The following POLR3B variants were observed in gnomAD, a reference collection of about 807,000 sequenced individuals.
POLR3B encodes the protein RNA polymerase III subunit B.
In POLR3B, 96 loss-of-function variants were observed where a neutral mutation model predicts 147.4. That is an observed-to-expected ratio of 0.65 (90% CI 0.55 to 0.77). The LOEUF (loss-of-function observed/expected upper bound fraction) is 0.77. POLR3B is among the 30% of genes least tolerant of loss of function. The pLI is 0.00. For synonymous variants in POLR3B, 461 were observed against 485.9 expected, an observed-to-expected ratio of 0.95 and a Z score of 0.67; for missense variants, 1,036 against 1,413.5, an observed-to-expected ratio of 0.73 and a Z score of 4.28.
chr12:106,430,701 A>G (rs2037498917), intron 14 of POLR3B, among the ~76,000 whole-genome samples: 1 of 152,242 alleles, frequency 6.6e-6, no homozygotes, highest in Non-Finnish European at 1.5e-5. Context: ...TAAAAGTAAT[A>G]TAGTCCATGT....
intron 9 of POLR3B, among the ~76,000 whole-genome samples, chr12:106,390,255 A>C (rs1345424496): frequency 1.7e-5 from 2 of 114,978 alleles, no homozygotes; most frequent in East Asian, 4.8e-4. Context: ...AAACAAGCAG[A>C]AAAACTCTCT....
intron 10 of POLR3B, among the ~76,000 whole-genome samples, chr12:106,395,982 T>C (rs1180711017): frequency 6.6e-6 from 1 of 152,066 alleles, no homozygotes; most frequent in Non-Finnish European, 1.5e-5. Flanking sequence ...ATGCCTCGCT[T>C]TGTAGTCTCT....
At chr12:106,377,004 TTTTC>T (rs1235881179) in intron 7 of POLR3B, among the ~76,000 whole-genome samples, 1 of 152,250 alleles carries the variant, frequency 6.6e-6, no homozygotes, top group African/African-American at 2.4e-5. Context: ...TTTGTCAGTC[TTTTC>T]TTTCTATCTT....
At position 106,378,381 on chromosome 12, in the gene POLR3B, C is replaced by T. The variant is rs147582475; in HGVS notation, c.611C>T (p.Thr204Ile). Residue 204 changes from threonine to isoleucine, a missense_variant, in exon 8 of 28, where the codon ACC becomes ATC. Around this residue, in one of 12 missense-constraint regions of POLR3B, gnomAD observed 217 missense variants for 288.7 expected, o/e 0.75. Transcript: ENST00000228347. ...AAAGGGGCTGTTGGAGCTTCAGTTA[C>T]CAGGTATGGAAAGCAGAGATGGTGT... is the stretch of plus-strand genomic sequence containing the variant. ...DRKGAVGASV[T>I]SSTHEKKSRT... is the part of the protein sequence containing the mutation. The T allele has an allele frequency of 1.4e-5, 22 of 1,593,016 alleles. No homozygotes were observed. Among genetic ancestry groups the T allele is most frequent in the Non-Finnish European group, 1.9e-5 (22 of 1,160,934 alleles).
intron 7 of POLR3B, among the ~76,000 whole-genome samples, chr12:106,377,912 AC>A (rs1164080578): frequency 6.6e-6 from 1 of 152,058 alleles, no homozygotes; most frequent in Admixed American, 6.6e-5. Flanking sequence ...GCATAGTGAG[AC>A]CCTGTTGTTA....
intron 4 of POLR3B, among the ~76,000 whole-genome samples, chr12:106,368,824 A>T (rs1226441694): frequency 6.6e-6 from 1 of 151,598 alleles, no homozygotes; most frequent in Non-Finnish European, 1.5e-5. Context: ...GTTCCCAGCC[A>T]CTCTCCATAG....
chr12:106,391,179 C>T (rs969961560), intron 9 of POLR3B, among the ~76,000 whole-genome samples: 1 of 152,202 alleles, frequency 6.6e-6, no homozygotes, highest in African/African-American at 2.4e-5. Context: ...TGCAGGTGCT[C>T]ATTGGCTGTT....
Position 106,378,560 on chromosome 12 carries a change from A to T in POLR3B, c.614+176A>T, listed in dbSNP as rs115779133. Reference sequence around the variant, plus strand: ...TCTGGAAGCATAGGGTACTGATTTTAAAATTTCAGTGATGGGAGTCTGAGA... The same window carrying T: ...TCTGGAAGCATAGGGTACTGATTTTTAAATTTCAGTGATGGGAGTCTGAGA... On this transcript the variant is annotated intron_variant, in intron 8 of 27. Transcript: ENST00000228347. Among the ~76,000 whole-genome samples, 188 of 152,354 alleles carry T rather than the reference A, an allele frequency of 1.2e-3. 2 individuals carry two copies. The highest frequency in any genetic ancestry group is 4.3e-3 in the African/African-American group (180 of 41,590).
intron 21 of POLR3B, among the ~76,000 whole-genome samples, chr12:106,458,860 A>G (rs1341387585): frequency 1.3e-5 from 2 of 152,218 alleles, no homozygotes; most frequent in Non-Finnish European, 2.9e-5. Context: ...TTGTTGCCCA[A>G]GTTAAATTGG....
intron 1 of POLR3B, among the ~76,000 whole-genome samples, chr12:106,363,185 C>G (rs745719428): frequency 2.0e-5 from 3 of 152,156 alleles, no homozygotes; most frequent in Non-Finnish European, 4.4e-5. Flanking sequence ...AATTGCCATC[C>G]ACTTGTTAAT....
In POLR3B at chr12:106,433,858, G is replaced by C; in HGVS notation, c.1767G>C (p.Gly589=). ...TDRCVYISSD[G]GRLCRPYIIV... The stretch of plus-strand genomic sequence containing the variant: ...GATGTGTCTATATTTCTTCTGATGG[G>C]GGAAGGCTATGCAGGTATATATGCA... The change falls in exon 16 of 28, where the codon GGG becomes GGC. Residue 589 remains glycine (G), a synonymous_variant. Transcript: ENST00000228347. The C allele has an allele frequency of 6.2e-7, 1 of 1,613,420 alleles. No homozygotes were observed. The highest frequency in any genetic ancestry group is 8.5e-7 in the Non-Finnish European group (1 of 1,179,526).
At chr12:106,423,828 A>G (rs980399097) in intron 12 of POLR3B, among the ~76,000 whole-genome samples, 1 of 151,924 alleles carries the variant, frequency 6.6e-6, no homozygotes, top group African/African-American at 2.4e-5. Flanking sequence ...GCTGACACCT[A>G]AAATTAACTC....
intron 23 of POLR3B, among the ~76,000 whole-genome samples, chr12:106,478,939 C>T (rs909422267): frequency 3.9e-5 from 6 of 152,096 alleles, no homozygotes; most frequent in African/African-American, 1.4e-4. Context: ...ATTGTAATGT[C>T]ACTCTTCTTC....
intron 23 of POLR3B, among the ~76,000 whole-genome samples, chr12:106,466,931 G>A (rs980535832): frequency 6.6e-6 from 1 of 152,168 alleles, no homozygotes; most frequent in Non-Finnish European, 1.5e-5. Flanking sequence ...TCTTGGGTAT[G>A]TGGGCTCTTT....
chr12:106,436,927 G>A (rs1340098167), intron 16 of POLR3B, 130 bp from the exon 17 acceptor site: 1 of 735,852 alleles, frequency 1.4e-6, no homozygotes, highest in Non-Finnish European at 2.4e-6. Context: ...AAATTACCTG[G>A]TGTCCTCAGC....
chr12:106,411,281 G>A lies in POLR3B; in HGVS notation c.1101+321G>A, dbSNP rs1593026224. 3.3e-5 allele frequency among the ~76,000 whole-genome samples: 5 copies of A among 152,100 alleles called. No homozygotes were observed. In the South Asian group the frequency reaches 1.0e-3, roughly 32 times the overall value. On this transcript the variant is annotated intron_variant, in intron 12 of 27. Transcript: ENST00000228347. The stretch of plus-strand genomic sequence containing the variant: ...AGCCTCCCGAGTAGCTGTGATTACA[G>A]GCATGTGCCACCGTGCCCGGCTAAT...
At chr12:106,487,185 T>C (rs2900499) in intron 23 of POLR3B, among the ~76,000 whole-genome samples, 37,877 of 152,126 alleles carry the variant, frequency 0.25, 5,247 homozygotes, top group African/African-American at 0.37. Context: ...GTAGTTGTCA[T>C]GAAATGAGCT....
At chr12:106,402,276 G>A (rs1294214247) in intron 10 of POLR3B, among the ~76,000 whole-genome samples, 1 of 152,016 alleles carries the variant, frequency 6.6e-6, no homozygotes, top group Admixed American at 6.6e-5. Context: ...CCTCTTCAAG[G>A]AGAACTACAA....
chr12:106,376,882 C>T (rs1171136826), intron 7 of POLR3B, among the ~76,000 whole-genome samples: 1 of 152,192 alleles, frequency 6.6e-6, no homozygotes, highest in Non-Finnish European at 1.5e-5. Flanking sequence ...GGATTACAGG[C>T]GTGAACCACT....
Sources: gnomAD v4.1 joint callset for allele counts (sites outside exome capture counted in the v4.1 genomes callset) on GRCh38, gnomAD v4.1.1 for gene constraint, gnomAD v4.1.1 regional missense constraint, MANE v1.5 for transcripts, NCBI Gene and HGNC (gene_info 2026-07-23, HGNC 2026-07-21) for gene names.